Variants in RSRC1 observed in about 807,000 individuals in gnomAD.
The protein encoded by RSRC1 is arginine and serine rich coiled-coil 1, also known as serine/Arginine-related protein 53.
Under a neutral mutation model 49.1 loss-of-function variants are expected in RSRC1, and 39 were observed. The observed-to-expected ratio is 0.79, with a 90% CI of 0.61 to 1.04. The LOEUF (loss-of-function observed/expected upper bound fraction) is 1.04. Among genes scored for constraint, RSRC1 ranks in the 50% least tolerant of loss-of-function variants. RSRC1 has a pLI of 0.00. For missense variants in RSRC1, 388 were observed against 402.4 expected (o/e 0.96, Z 0.31); for synonymous variants, 143 against 130.8 (o/e 1.09, Z -0.63).
Position 158,357,067 on chromosome 3 carries a change from C to T in RSRC1, c.583+2159C>T, listed in dbSNP as rs935965572. ...TAAAAAATTTATTTTGGCCTAGGCC[C>T]GATAAGCAAAAGACAGACCTTAGCT... is the stretch of plus-strand genomic sequence containing the variant. On this transcript the variant is annotated intron_variant, in intron 6 of 9. Coordinates refer to ENST00000611884, the MANE Select transcript of RSRC1 (RefSeq NM_001271838.2). Among the ~76,000 whole-genome samples, 4 of 152,192 alleles carry T rather than the reference C, an allele frequency of 2.6e-5. No individual in the cohort carries two copies. In the South Asian group the frequency reaches 6.2e-4, roughly 24 times the overall value.
In RSRC1 at chr3:158,354,862, A is replaced by G; in HGVS notation, c.537A>G (p.Pro179=). The part of the protein sequence containing the change: ...NIKAGLEHLP[P]AEQAKARLQL... The stretch of plus-strand genomic sequence containing the variant: ...TTTTTTTTTTTCTTTTTTAGCCACC[A>G]GCTGAACAGGCCAAAGCCAGACTAC... The change falls in exon 6 of 10, where the codon CCA becomes CCG. Residue 179 remains proline (P), a synonymous_variant. Coordinates refer to ENST00000611884, the MANE Select transcript of RSRC1 (RefSeq NM_001271838.2). 1.9e-6 allele frequency: 3 copies of G among 1,554,104 alleles called. No homozygotes were observed. The highest frequency in any genetic ancestry group is 2.6e-6 in the Non-Finnish European group (3 of 1,152,166).
At chr3:158,529,342 G>T (rs1246497668) in intron 7 of RSRC1, among the ~76,000 whole-genome samples, 1 of 151,498 alleles carries the variant, frequency 6.6e-6, no homozygotes, top group Non-Finnish European at 1.5e-5. Context: ...GATGGAGTGG[G>T]GAAAAAATAA....
At chr3:158,229,226 GTA>G (rs1722766859) in intron 4 of RSRC1, among the ~76,000 whole-genome samples, 2 of 149,686 alleles carry the variant, frequency 1.3e-5, no homozygotes, top group Admixed American at 6.6e-5. Context: ...ACACATACAC[GTA>G]TATGTGTATG....
chr3:158,147,102 C>CTTTTTTTTTTTTT lies in RSRC1; in HGVS notation c.320+23126_320+23138dup, dbSNP rs35460810. On this transcript the variant is annotated intron_variant, in intron 3 of 9. Coordinates refer to ENST00000611884, the MANE Select transcript of RSRC1 (RefSeq NM_001271838.2). ...CCTTTTCTTTCTTCTGCTTTTCTGCCTTTTTTTTTTTTTTTTTTTTTTTTT... is the reference window on the plus strand; with the variant it reads ...CCTTTTCTTTCTTCTGCTTTTCTGCCTTTTTTTTTTTTTTTTTTTTTTTTTTTTTTTTTTTTTT... Among the ~76,000 whole-genome samples the CTTTTTTTTTTTTT allele has an allele frequency of 8.3e-4, 29 of 34,736 alleles. 3 individuals are homozygous for CTTTTTTTTTTTTT. The highest frequency in any genetic ancestry group is 2.1e-3 in the African/African-American group (14 of 6,616). 22.8% of individuals were successfully genotyped at this position (34,736 alleles called of 152,430 possible). A position where few individuals can be genotyped will look rare whatever the true frequency, so the allele number is the denominator to read the frequency against.
intron 6 of RSRC1, among the ~76,000 whole-genome samples, chr3:158,390,255 A>G (rs6441193): frequency 0.22 from 33,283 of 152,066 alleles, 4,253 homozygotes; most frequent in Non-Finnish European, 0.29. Context: ...AGGAGTAGTG[A>G]ATTCACATGT....
intron 4 of RSRC1, among the ~76,000 whole-genome samples, chr3:158,204,389 C>T (rs1399870104): frequency 6.6e-6 from 1 of 152,178 alleles, no homozygotes; most frequent in Admixed American, 6.5e-5. Flanking sequence ...GATCATCCCA[C>T]AACCATTAAT....
rs144037212 is a variant in RSRC1 at position 158,223,438 on chromosome 3, C to T, written c.494+20193C>T. Among the ~76,000 whole-genome samples, 192 of 151,700 alleles carry T rather than the reference C, an allele frequency of 1.3e-3. 1 individual carries two copies. Among genetic ancestry groups the T allele is most frequent in the African/African-American group, 4.5e-3 (185 of 41,480 alleles). On this transcript the variant is annotated intron_variant, in intron 4 of 9. Transcript: ENST00000611884. ...TTACAGAAGAAAAGAAAACAAATTT[C>T]CATACGTGTCAAACAAATGATTAAA...
chr3:158,176,620 C>T (rs555949210), intron 3 of RSRC1, among the ~76,000 whole-genome samples: 12 of 152,284 alleles, frequency 7.9e-5, no homozygotes, highest in African/African-American at 2.9e-4. Flanking sequence ...TGGATCCCTT[C>T]CTTACACCTT....
chr3:158,315,796 T>G (rs1728395587), intron 5 of RSRC1, among the ~76,000 whole-genome samples: 1 of 152,150 alleles, frequency 6.6e-6, no homozygotes, highest in Non-Finnish European at 1.5e-5. Context: ...TCACTTTAAT[T>G]TTGAAAATAT....
At chr3:158,266,423 A>C (rs1214460231) in intron 4 of RSRC1, among the ~76,000 whole-genome samples, 1 of 152,144 alleles carries the variant, frequency 6.6e-6, no homozygotes. Flanking sequence ...GATGAATTAT[A>C]ATTTCATTCT....
intron 4 of RSRC1, chr3:158,276,101 G>A (rs1039519643): frequency 1.0e-4 from 93 of 893,130 alleles, no homozygotes; most frequent in African/African-American, 2.0e-4. Flanking sequence ...CCACAGTGGC[G>A]TCCAGCTCAC....
At chr3:158,239,966 A>G (rs1313056460) in intron 4 of RSRC1, among the ~76,000 whole-genome samples, 2 of 152,204 alleles carry the variant, frequency 1.3e-5, no homozygotes, top group African/African-American at 2.4e-5. Flanking sequence ...GTTCCAAAAA[A>G]ACAACTTGTT....
At chr3:158,121,057 A>G (rs1466807049) in intron 1 of RSRC1, among the ~76,000 whole-genome samples, 1 of 151,788 alleles carries the variant, frequency 6.6e-6, no homozygotes, top group Non-Finnish European at 1.5e-5. Flanking sequence ...AGTTTGAAAA[A>G]CTATATTTTA....
In RSRC1 at chr3:158,122,186, A is replaced by C; in HGVS notation, c.82A>C (p.Ser28Arg). ...KKHRRRSSSS[S>R]SSDSRTYSRK... The stretch of plus-strand genomic sequence containing the variant: ...ACACCGTAGACGGTCCTCCTCGAGC[A>C]GTTCTTCAGATAGTAGAACATACAG... The change falls in exon 2 of 10, where the codon AGT becomes CGT. Residue 28 changes from serine to arginine, a missense_variant. Physicochemically the swap from Ser to Arg is moderately radical, Grantham distance 110 (BLOSUM62 -1). Coordinates refer to ENST00000611884, the MANE Select transcript of RSRC1 (RefSeq NM_001271838.2). The C allele has an allele frequency of 1.2e-6, 2 of 1,606,274 alleles. No homozygotes were observed. The highest frequency in any genetic ancestry group is 1.7e-6 in the Non-Finnish European group (2 of 1,175,560).
At chr3:158,360,783 G>T (rs1578386030) in intron 6 of RSRC1, among the ~76,000 whole-genome samples, 1 of 152,190 alleles carries the variant, frequency 6.6e-6, no homozygotes, top group African/African-American at 2.4e-5. Flanking sequence ...AGCCTGCAAG[G>T]GCAAGGCGGA....
At chr3:158,198,007 C>T (rs1329366329) in intron 3 of RSRC1, among the ~76,000 whole-genome samples, 5 of 152,066 alleles carry the variant, frequency 3.3e-5, no homozygotes, top group Admixed American at 1.3e-4. Context: ...TCTATTAGGT[C>T]GGCTTGGTGC....
chr3:158,169,057 A>T (rs545130807), intron 3 of RSRC1, among the ~76,000 whole-genome samples: 2 of 152,154 alleles, frequency 1.3e-5, no homozygotes, highest in African/African-American at 4.8e-5. Context: ...TTAAATAGAA[A>T]CCAGCCCTTT....
chr3:158,218,632 C>T (rs1178084329), intron 4 of RSRC1, among the ~76,000 whole-genome samples: 2 of 151,566 alleles, frequency 1.3e-5, no homozygotes, highest in African/African-American at 4.8e-5. Flanking sequence ...GTGCAGAACT[C>T]AGGAGAGTTT....
intron 5 of RSRC1, among the ~76,000 whole-genome samples, chr3:158,321,503 A>C (rs1160102185): frequency 6.6e-6 from 1 of 151,896 alleles, no homozygotes; most frequent in Non-Finnish European, 1.5e-5. Flanking sequence ...AAAAAAGGAA[A>C]AAGTTAATTT....
Sources: gnomAD v4.1 joint callset for allele counts (sites outside exome capture counted in the v4.1 genomes callset) on GRCh38, gnomAD v4.1.1 for gene constraint, MANE v1.5 for transcripts, NCBI Gene and HGNC (gene_info 2026-07-23, HGNC 2026-07-21) for gene names.